The following DISP3 variants were observed in gnomAD, a reference collection of about 807,000 sequenced individuals.
The protein encoded by DISP3 is protein dispatched homolog 3.
A neutral mutation model predicts 135.3 loss-of-function variants in DISP3; 101 were observed. That is an observed-to-expected ratio of 0.75 (90% CI 0.64 to 0.88). The LOEUF (loss-of-function observed/expected upper bound fraction) is 0.88, where lower values mean the gene tolerates loss of function less well. DISP3 is among the 40% of genes least tolerant of loss of function. The pLI is 0.00. For missense variants in DISP3, 1,713 were observed against 1,878.6 expected (o/e 0.91, Z 1.63); for synonymous variants, 856 against 817.0 (o/e 1.05, Z -0.81).
At chr1:11,533,545 C>T in intron 17 of DISP3, 1 of 521,576 alleles carries the variant, frequency 1.9e-6, no homozygotes, top group East Asian at 3.1e-5. Flanking sequence ...GCGTGAGCCA[C>T]TGCGCCCAGC....
rs368366405 is a variant in DISP3 at position 11,480,073 on chromosome 1, G to A, written c.-4+701G>A. Among the ~76,000 whole-genome samples the A allele has an allele frequency of 1.8e-3, 278 of 152,046 alleles. 7 individuals carry two copies. Among genetic ancestry groups the A allele is most frequent in the Non-Finnish European group, 6.0e-4 (41 of 68,022 alleles). On this transcript the variant is annotated intron_variant, in intron 1 of 20. Transcript: ENST00000294484. ...CCCAGCGCAAGGGGCGCCAAGTCCC[G>A]GGAGCCAACCCCACCGCCGGGAGAA...
intron 3 of DISP3, 130 bp from the exon 4 acceptor site, chr1:11,514,260 T>G: frequency 8.8e-7 from 1 of 1,142,758 alleles, no homozygotes; most frequent in Non-Finnish European, 1.3e-6. Flanking sequence ...CAGGTGATTT[T>G]GATATCCAAC....
rs1163942503 is a variant in DISP3, at chr1:11,519,744, C to T, written c.2064C>T (p.Ser688=). The change falls in exon 9 of 21, where the codon TCC becomes TCT. Residue 688 remains serine (S), a synonymous_variant. Coordinates refer to ENST00000294484, the MANE Select transcript of DISP3 (RefSeq NM_020780.2). This position sits in a 1 kb window ranked among gnomAD's most constrained non-coding sequence, Gnocchi z 4.3. ...EPVSLELGDV[S]LVSVSPEGLQ... The stretch of plus-strand genomic sequence containing the variant: ...TGTCACTGGAGCTGGGAGACGTGTC[C>T]CTGGTGTCTGTGTCCCCCGAGGGTC... 8.1e-6 allele frequency: 13 copies of T among 1,613,094 alleles called. No homozygotes were observed. Among genetic ancestry groups the T allele is most frequent in the South Asian group, 1.1e-5 (1 of 91,078 alleles).
Position 11,519,845 on chromosome 1 carries a change from T to C in DISP3, c.2165T>C (p.Leu722Pro). 1.2e-6 allele frequency: 2 copies of C among 1,612,002 alleles called. No individual in the cohort carries two copies. Among genetic ancestry groups the C allele is most frequent in the Non-Finnish European group, 1.7e-6 (2 of 1,179,860 alleles). ...QLQELLHHWV[L>P]WSAVKSRWVI... ...CAGGAGCTGCTGCACCACTGGGTCC[T>C]GTGGTCAGCCGTCAAGAGCCGCTGG... The change falls in exon 9 of 21, where the codon CTG becomes CCG. Residue 722 changes from leucine to proline, a missense_variant. Transcript: ENST00000294484. This position sits in a 1 kb window ranked among gnomAD's most constrained non-coding sequence, Gnocchi z 4.3.
chr1:11,533,755 C>T, intron 17 of DISP3: 1 of 464,812 alleles, frequency 2.2e-6, no homozygotes, highest in Non-Finnish European at 3.8e-6. Flanking sequence ...ACACGCAGAC[C>T]TACTATGAAC....
At chr1:11,504,004 A>G (rs1402731143) in intron 3 of DISP3, among the ~76,000 whole-genome samples, 1 of 152,062 alleles carries the variant, frequency 6.6e-6, no homozygotes, top group African/African-American at 2.4e-5. Context: ...CTGGGCAGTA[A>G]CTGTAGTGCT....
rs749844469 is a variant in DISP3, at chr1:11,524,014, C to T, written c.2435C>T (p.Ser812Leu). The T allele has an allele frequency of 8.7e-6, 14 of 1,613,072 alleles. No individual in the cohort carries two copies. Among genetic ancestry groups the T allele is most frequent in the African/African-American group, 1.3e-5 (1 of 74,870 alleles). ...TCCCTGGAGAAGAAGAGGCGAGGCT[C>T]AGGGGTCCCCTGGGCTAGCCGGCCT... is the stretch of plus-strand genomic sequence containing the variant. ...RTSLEKKRRGSGVPWASRPEA... is the reference protein window; with the variant it reads ...RTSLEKKRRGLGVPWASRPEA... The change falls in exon 11 of 21, where the codon TCA becomes TTA. Residue 812 changes from serine (S) to leucine (L), a missense_variant. Around this residue, in one of 2 missense-constraint regions of DISP3, gnomAD observed 1,142 missense variants for 1,384.6 expected, o/e 0.82. Coordinates refer to ENST00000294484, the MANE Select transcript of DISP3 (RefSeq NM_020780.2).
At chr1:11,480,809 T>A (rs1640882028) in intron 1 of DISP3, among the ~76,000 whole-genome samples, 2 of 151,226 alleles carry the variant, frequency 1.3e-5, no homozygotes, top group Admixed American at 1.3e-4. Context: ...GGGGATCTTC[T>A]GGAGGGAGGG....
intron 3 of DISP3, among the ~76,000 whole-genome samples, chr1:11,504,017 C>CCCAGTCCCCCACCCTGATAGG (rs1295887185): frequency 5.9e-5 from 9 of 152,270 alleles, no homozygotes; most frequent in Middle Eastern, 3.4e-3. Flanking sequence ...GTAGTGCTTT[C>CCCAGTCCCCCACCCTGATAGG]CCAGTCCCCC....
chr1:11,529,613 AC>A lies in DISP3; in HGVS notation c.2861del (p.Pro954LeufsTer39). On this transcript the variant is annotated frameshift_variant, in exon 14 of 21. Coordinates refer to ENST00000294484, the MANE Select transcript of DISP3 (RefSeq NM_020780.2). LOFTEE classifies it high-confidence loss of function. The surrounding 1 kb of genome is among the most constrained non-coding windows in gnomAD (Gnocchi z 4.7). ...PPFHGRVCMA[P>X]PGCLLSSSPD... ...CCTTCCACGGGCGCGTATGCATGGC[AC>A]CCCCTGGCTGCCTGCTTAGCTCCAG... The A allele has an allele frequency of 6.2e-7, 1 of 1,607,658 alleles. No individual in the cohort carries two copies. Among genetic ancestry groups the A allele is most frequent in the Non-Finnish European group, 8.5e-7 (1 of 1,175,282 alleles).
chr1:11,531,009 G>C lies in DISP3; in HGVS notation c.3205G>C (p.Gly1069Arg), dbSNP rs753623702. The change falls in exon 16 of 21, where the codon GGT becomes CGT. Residue 1069 changes from glycine (G) to arginine (R), a missense_variant. This residue lies in a region of DISP3 where 1,142 missense variants were observed against 1,384.6 expected (regional missense o/e 0.82). Coordinates refer to ENST00000294484, the MANE Select transcript of DISP3 (RefSeq NM_020780.2). The surrounding 1 kb of genome is among the most constrained non-coding windows in gnomAD (Gnocchi z 5.2). ...AGCCAACTCCGAGCTGGTGAAGCCG[G>C]GTGGGGCCCAGTGCCTGCCTTCAGG... is the stretch of plus-strand genomic sequence containing the variant. ...IAANSELVKP[G>R]GAQCLPSGYS... 1.9e-6 allele frequency: 3 copies of C among 1,613,868 alleles called. No homozygotes were observed. Among genetic ancestry groups the C allele is most frequent in the Non-Finnish European group, 2.5e-6 (3 of 1,179,992 alleles).
At position 11,526,739 on chromosome 1, in the gene DISP3, G is replaced by T; in HGVS notation, c.2702G>T (p.Arg901Leu). ...VGLLQAASPS[R>L]KWMLTTLACD... ...CTGCTCCAGGCGGCGAGCCCCTCCC[G>T]CAAGTGGATGCTGACGACCTTGGCC... Residue 901 changes from arginine (R) to leucine (L), a missense_variant, in exon 13 of 21, where the codon CGC (arginine) becomes CTC (leucine). Transcript: ENST00000294484. The T allele has an allele frequency of 6.2e-7, 1 of 1,614,044 alleles. No homozygotes were observed. Among genetic ancestry groups the T allele is most frequent in the Non-Finnish European group, 8.5e-7 (1 of 1,180,046 alleles).
chr1:11,498,866 C>G (rs1002992826), intron 1 of DISP3, among the ~76,000 whole-genome samples: 28 of 152,318 alleles, frequency 1.8e-4, no homozygotes, highest in Admixed American at 3.9e-4. Flanking sequence ...CAAAGTTACA[C>G]TGCCTGCCCT....
At position 11,501,701 on chromosome 1, in the gene DISP3, C is replaced by T. The variant is rs945258562; in HGVS notation, c.709C>T (p.Pro237Ser). 1 of 1,601,396 alleles carries T rather than the reference C, an allele frequency of 6.2e-7. No homozygotes were observed. The highest frequency in any genetic ancestry group is 8.5e-7 in the Non-Finnish European group (1 of 1,174,306). Residue 237 changes from proline to serine, a missense_variant, in exon 2 of 21, where the codon CCG becomes TCG. Around this residue, in one of 2 missense-constraint regions of DISP3, gnomAD observed 571 missense variants for 494.1 expected, o/e 1.16. Transcript: ENST00000294484. This position sits in a 1 kb window ranked among gnomAD's most constrained non-coding sequence, Gnocchi z 4.9. ...GAATGGGCGGTACCAGCCCAGCATCCCGCCCCACGCGGCAGTCGCGGCCAA... is the reference window on the plus strand; with the variant it reads ...GAATGGGCGGTACCAGCCCAGCATCTCGCCCCACGCGGCAGTCGCGGCCAA... ...SKNGRYQPSI[P>S]PHAAVAANQS...
At position 11,520,783 on chromosome 1, in the gene DISP3, T is replaced by C; in HGVS notation, c.2297T>C (p.Ile766Thr). 6.2e-7 allele frequency: 1 copy of C among 1,613,494 alleles called. No individual in the cohort carries two copies. The highest frequency in any genetic ancestry group is 8.5e-7 in the Non-Finnish European group (1 of 1,179,986). ...CTACTCTTCCGGCCTGATACCAACA[T>C]CCAGGTGCTGCTGGACCTCAAGTAC... ...APLLFRPDTN[I>T]QVLLDLKYNL... Residue 766 changes from isoleucine to threonine, a missense_variant, in exon 10 of 21, where the codon ATC (isoleucine) becomes ACC (threonine). Transcript: ENST00000294484. This position sits in a 1 kb window ranked among gnomAD's most constrained non-coding sequence, Gnocchi z 4.8.
Position 11,519,894 on chromosome 1 carries a change from C to T in DISP3, c.2200+14C>T. 6.3e-7 allele frequency: 1 copy of T among 1,592,868 alleles called. No individual in the cohort carries two copies. Among genetic ancestry groups the T allele is most frequent in the Non-Finnish European group, 8.6e-7 (1 of 1,169,110 alleles). On this transcript the variant is annotated intron_variant, in intron 9 of 20. Coordinates refer to ENST00000294484, the MANE Select transcript of DISP3 (RefSeq NM_020780.2). The surrounding 1 kb of genome is among the most constrained non-coding windows in gnomAD (Gnocchi z 4.3). The stretch of plus-strand genomic sequence containing the variant: ...GGGTGATTGTGGGTAAGTGGGCCCT[C>T]CGGCCCTGCCCCCTGTCTCACAGCT...
Position 11,517,532 on chromosome 1 carries a change from G to C in DISP3, c.1819G>C (p.Val607Leu). 6.2e-7 allele frequency: 1 copy of C among 1,614,222 alleles called. No homozygotes were observed. Among genetic ancestry groups the C allele is most frequent in the Non-Finnish European group, 8.5e-7 (1 of 1,180,048 alleles). The change falls in exon 7 of 21, where the codon GTC becomes CTC. Residue 607 changes from valine (V) to leucine (L), a missense_variant. By Grantham distance (32) the Val-to-Leu change is conservative (BLOSUM62 1). Transcript: ENST00000294484. ...GTCCTGTTGCTGGCTGGCCGTGCTT[G>C]TCACCATGCCTGCAGCTCTGGGCCT... is the stretch of plus-strand genomic sequence containing the variant. Reference protein sequence around the residue: ...IVSCCWLAVLVTMPAALGLWS... With the variant: ...IVSCCWLAVLLTMPAALGLWS...
chr1:11,509,161 T>C (rs925970030), intron 3 of DISP3, among the ~76,000 whole-genome samples: 4 of 152,206 alleles, frequency 2.6e-5, no homozygotes, highest in South Asian at 2.1e-4. Context: ...TTGACCCGTG[T>C]ATAACTTAAA....
intron 1 of DISP3, among the ~76,000 whole-genome samples, chr1:11,484,028 C>G (rs762274901): frequency 1.4e-4 from 22 of 152,208 alleles, no homozygotes; most frequent in Non-Finnish European, 2.5e-4. Flanking sequence ...GGAAGGGGAC[C>G]TAACTGATGC....
Sources: allele counts gnomAD v4.1 joint callset (sites outside exome capture counted in the v4.1 genomes callset), GRCh38; gene constraint gnomAD v4.1.1; regional missense constraint gnomAD v4.1.1; non-coding constraint Gnocchi (gnomAD v3.1); transcripts MANE v1.5; gene names NCBI Gene and HGNC (gene_info 2026-07-23, HGNC 2026-07-21).